DIP2A: variants seen among roughly 807,000 people sequenced by gnomAD.
The protein encoded by DIP2A is DIP2 acetate--CoA ligase A.
A neutral mutation model predicts 177.4 loss-of-function variants in DIP2A; 85 were observed. The observed-to-expected ratio is 0.48, with a 90% confidence interval of 0.40 to 0.57. DIP2A has a LOEUF of 0.57. DIP2A is among the 20% of genes least tolerant of loss of function. The pLI is 0.00. For synonymous variants in DIP2A, 886 were observed against 881.8 expected, an observed-to-expected ratio of 1.00 and a Z score of -0.08; for missense variants, 1,791 against 2,100.2, an observed-to-expected ratio of 0.85 and a Z score of 2.88.
chr21:46,566,158 G>A (rs766769586), intron 36 of DIP2A, among the ~76,000 whole-genome samples: 2 of 152,168 alleles, frequency 1.3e-5, no homozygotes, highest in Non-Finnish European at 2.9e-5. Flanking sequence ...AGGCCAGACC[G>A]GTCTCTCTGC....
chr21:46,486,154 A>G (rs889312169), intron 2 of DIP2A, among the ~76,000 whole-genome samples: 2 of 151,656 alleles, frequency 1.3e-5, no homozygotes, highest in African/African-American at 4.8e-5. Context: ...TTCTTGCAGT[A>G]ACGGACATGT....
Position 46,465,517 on chromosome 21 carries a change from A to G in DIP2A, c.91+6295A>G, listed in dbSNP as rs1004506997. On this transcript the variant is annotated intron_variant, in intron 1 of 37. Coordinates refer to ENST00000417564, the MANE Select transcript of DIP2A (RefSeq NM_015151.4). ...CAAACCCAGGAGGCAGAGGGAGACT[A>G]TTTTTATAATGATACTAAGATGCCA... Among the ~76,000 whole-genome samples, 4 of 152,134 alleles carry G rather than the reference A, an allele frequency of 2.6e-5. No individual in the cohort carries two copies. The East Asian group carries it at 7.7e-4, about 29-fold the overall frequency.
intron 7 of DIP2A, among the ~76,000 whole-genome samples, chr21:46,511,133 G>A (rs1427803602): frequency 2.6e-5 from 4 of 152,080 alleles, no homozygotes; most frequent in African/African-American, 4.8e-5. Context: ...CAGAAGTTGG[G>A]AAAGTGGGAA....
intron 1 of DIP2A, among the ~76,000 whole-genome samples, chr21:46,481,785 T>G (rs1265808531): frequency 1.3e-5 from 2 of 152,182 alleles, no homozygotes; most frequent in African/African-American, 4.8e-5. Context: ...GTGCAGTGGC[T>G]CACACCTGTA....
intron 5 of DIP2A, among the ~76,000 whole-genome samples, chr21:46,499,139 T>A (rs1289776277): frequency 6.6e-6 from 1 of 152,330 alleles, no homozygotes; most frequent in Non-Finnish European, 1.5e-5. Context: ...CAGTTGCAAA[T>A]TTTTTCCCCC....
chr21:46,501,963 T>C (rs2057675381), intron 5 of DIP2A, among the ~76,000 whole-genome samples: 1 of 152,204 alleles, frequency 6.6e-6, no homozygotes, highest in Non-Finnish European at 1.5e-5. Flanking sequence ...TCAAAAGGTA[T>C]ATTCTGCTAT....
chr21:46,562,311 G>T (rs958000355), intron 34 of DIP2A, among the ~76,000 whole-genome samples: 3 of 152,206 alleles, frequency 2.0e-5, no homozygotes, highest in Non-Finnish European at 4.4e-5. Context: ...GCAGACATAG[G>T]CACAGAACAG....
chr21:46,576,973 G>T, the DIP2A span, among the ~76,000 whole-genome samples: 5 of 152,040 alleles, frequency 3.3e-5, no homozygotes, highest in Non-Finnish European at 7.4e-5. Flanking sequence ...TTTTAATGAG[G>T]TTGGTTTTTT....
rs997192763 is a variant in DIP2A, at chr21:46,497,518, T to C, written c.403+411T>C. On this transcript the variant is annotated intron_variant, in intron 4 of 37. Coordinates refer to ENST00000417564, the MANE Select transcript of DIP2A (RefSeq NM_015151.4). ...TGTAACCAGGACTTATATGCAACAG[T>C]ATAAGACTATTTGGAAAGTTTTGCG... Among the ~76,000 whole-genome samples, 14 of 152,354 alleles carry C rather than the reference T, an allele frequency of 9.2e-5. No homozygotes were observed. The South Asian group carries it at 1.7e-3, about 18-fold the overall frequency.
intron 32 of DIP2A, chr21:46,558,762 CAA>C: frequency 3.7e-6 from 1 of 271,148 alleles, no homozygotes; most frequent in Non-Finnish European, 7.2e-6. Context: ...TGTGTTGACT[CAA>C]ATTCATTTCT....
intron 20 of DIP2A, 107 bp downstream of exon 20, chr21:46,546,068 C>A (rs2060023137): frequency 1.3e-6 from 2 of 1,581,832 alleles, no homozygotes; most frequent in Non-Finnish European, 1.7e-6. Flanking sequence ...TCCTGACCTC[C>A]CATGTGGCCT....
intron 1 of DIP2A, among the ~76,000 whole-genome samples, chr21:46,483,652 G>A (rs1224616814): frequency 6.6e-6 from 1 of 152,232 alleles, no homozygotes; most frequent in Admixed American, 6.5e-5. Context: ...ATATTCAACG[G>A]TGTCAGTCTG....
At position 46,567,812 on chromosome 21, in the gene DIP2A, G is replaced by T. The variant is rs2060879863; in HGVS notation, c.*190G>T. On this transcript the variant is annotated 3_prime_UTR_variant, in exon 38 of 38. Transcript: ENST00000417564. ...TTATTTAAAGAAATATTTTGAATCT[G>T]CCAAGTACATTTACAAAAACACGGA... 1.6e-6 allele frequency: 1 copy of T among 633,402 alleles called. No individual in the cohort carries two copies. Among genetic ancestry groups the T allele is most frequent in the Non-Finnish European group, 2.4e-6 (1 of 412,322 alleles). 39.2% of individuals were successfully genotyped at this position (633,402 alleles called of 1,614,324 possible).
intron 1 of DIP2A, among the ~76,000 whole-genome samples, chr21:46,476,943 C>CACCACGCCTGGCAAAACTTTCAAGAATT (rs2055898361): frequency 6.6e-6 from 1 of 152,186 alleles, no homozygotes; most frequent in Non-Finnish European, 1.5e-5. Flanking sequence ...AGGCGTGAGC[C>CACCACGCCTGGCAAAACTTTCAAGAATT]ACTGCAGCCA....
intron 21 of DIP2A, among the ~76,000 whole-genome samples, chr21:46,548,175 TGTGTGC>T (rs1415114103): frequency 3.5e-5 from 5 of 142,490 alleles, no homozygotes; most frequent in Admixed American, 6.8e-5. Flanking sequence ...TGCTCATGCA[TGTGTGC>T]GTGTGTGTGT....
chr21:46,574,268 A>T (rs147560016), downstream of DIP2A, among the ~76,000 whole-genome samples: 2 of 152,176 alleles, frequency 1.3e-5, no homozygotes, highest in Admixed American at 1.3e-4. Flanking sequence ...AAGAAATAAC[A>T]AGAAAAATTA....
chr21:46,547,142 C>T, intron 21 of DIP2A, 100 bp downstream of exon 21: 3 of 1,503,874 alleles, frequency 2.0e-6, no homozygotes, highest in Non-Finnish European at 2.7e-6. Flanking sequence ...CTTGAATTCA[C>T]AAAGCCTAAA....
intron 33 of DIP2A, 24 bp downstream of exon 33, chr21:46,560,807 C>T: frequency 1.3e-6 from 2 of 1,591,892 alleles, no homozygotes; most frequent in Non-Finnish European, 8.5e-7. Flanking sequence ...CCTGCCTGGG[C>T]CCCATGGATA....
the DIP2A span, among the ~76,000 whole-genome samples, chr21:46,576,831 A>G: frequency 6.6e-6 from 1 of 151,488 alleles, no homozygotes; most frequent in Admixed American, 6.6e-5. Flanking sequence ...CTGGTGTGAG[A>G]CAGTAGTATC....
Sources: gnomAD v4.1 joint callset for allele counts (sites outside exome capture counted in the v4.1 genomes callset) on GRCh38, gnomAD v4.1.1 for gene constraint, MANE v1.5 for transcripts, NCBI Gene and HGNC (gene_info 2026-07-23, HGNC 2026-07-21) for gene names.